The following SGCE variants were observed in gnomAD, a reference collection of about 807,000 sequenced individuals.
The protein encoded by SGCE is sarcoglycan epsilon, also known as epsilon-sarcoglycan.
SGCE carries 26 observed loss-of-function variants against 57.8 expected under a neutral mutation model. That is an observed-to-expected ratio of 0.45 (90% CI 0.33 to 0.62). SGCE has a LOEUF of 0.62. SGCE is among the 20% of genes least tolerant of loss of function. SGCE has a pLI of 0.02. For synonymous variants in SGCE, 183 were observed against 189.5 expected, an observed-to-expected ratio of 0.97 and a Z score of 0.28; for missense variants, 468 against 548.6, an observed-to-expected ratio of 0.85 and a Z score of 1.47.
intron 7 of SGCE, chr7:94,599,975 A>T (rs1424074463): frequency 2.7e-6 from 1 of 363,828 alleles, no homozygotes; most frequent in African/African-American, 2.1e-5. Context: ...ATTGAAATAA[A>T]TTCTATGACA....
intron 8 of SGCE, 98 bp downstream of exon 8, chr7:94,599,599 C>A: frequency 2.1e-6 from 2 of 933,436 alleles, no homozygotes. Flanking sequence ...TGAAAGATGA[C>A]AAATGAAAAA....
chr7:94,595,824 T>G (rs1798314758), intron 9 of SGCE, among the ~76,000 whole-genome samples: 1 of 151,994 alleles, frequency 6.6e-6, no homozygotes, highest in African/African-American at 2.4e-5. Context: ...TTATAGGGAG[T>G]TACCATAGAG....
At chr7:94,634,307 GATGGT>G in intron 1 of SGCE, among the ~76,000 whole-genome samples, 1 of 152,132 alleles carries the variant, frequency 6.6e-6, no homozygotes, top group Admixed American at 6.6e-5. Flanking sequence ...TCTTTTTCAT[GATGGT>G]ATAAGATCAT....
intron 5 of SGCE, among the ~76,000 whole-genome samples, chr7:94,608,711 G>A (rs898478462): frequency 1.3e-5 from 2 of 152,080 alleles, no homozygotes; most frequent in Non-Finnish European, 1.5e-5. Flanking sequence ...TGTAGTATTG[G>A]GAAATAATTG....
intron 1 of SGCE, among the ~76,000 whole-genome samples, chr7:94,631,615 A>T (rs1204141546): frequency 1.3e-5 from 2 of 151,986 alleles, no homozygotes; most frequent in Non-Finnish European, 2.9e-5. Context: ...TTCACAGTGA[A>T]CATATGTGCA....
chr7:94,610,251 A>C (rs1318802753), intron 5 of SGCE, among the ~76,000 whole-genome samples: 1 of 152,162 alleles, frequency 6.6e-6, no homozygotes, highest in African/African-American at 2.4e-5. Flanking sequence ...AAAGCAGTGA[A>C]ACTACTCTGT....
chr7:94,599,446 A>C, intron 8 of SGCE: 1 of 486,518 alleles, frequency 2.1e-6, no homozygotes, highest in Non-Finnish European at 3.6e-6. Flanking sequence ...TATAAATGGT[A>C]AGTTAATATT....
rs189775311 is a variant in SGCE at position 94,611,716 on chromosome 7, G to A, written c.662+7042C>T. Among the ~76,000 whole-genome samples, 3 of 152,202 alleles carry A rather than the reference G, an allele frequency of 2.0e-5. No individual in the cohort carries two copies. The East Asian group carries it at 5.8e-4, about 29-fold the overall frequency. On this transcript the variant is annotated intron_variant, in intron 5 of 10. Transcript: ENST00000648936. ...AATGAAATAAAAGTACAGCACAAAAGTTCAAAGCTATGTAAATGTAAATAT... is the reference window on the plus strand; with the variant it reads ...AATGAAATAAAAGTACAGCACAAAAATTCAAAGCTATGTAAATGTAAATAT...
intron 10 of SGCE, chr7:94,586,880 C>G (rs1796981887): frequency 7.1e-6 from 7 of 984,998 alleles, no homozygotes; most frequent in African/African-American, 1.7e-5. Context: ...AGGGTGGTCT[C>G]TCTCCCTTTG....
intron 5 of SGCE, among the ~76,000 whole-genome samples, chr7:94,605,723 A>C (rs1800013400): frequency 6.6e-6 from 1 of 152,222 alleles, no homozygotes; most frequent in Admixed American, 6.5e-5. Flanking sequence ...AAAAATGCTC[A>C]ATGAAAACTA....
At chr7:94,655,938 A>G in intron 1 of SGCE, 52 bp downstream of exon 1, 3 of 1,163,138 alleles carry the variant, frequency 2.6e-6, no homozygotes, top group Non-Finnish European at 3.8e-6. Context: ...GGGGAGGGGG[A>G]GGCGGCGGCC....
chr7:94,588,431 A>C (rs1205249863), intron 10 of SGCE: 1 of 1,274,484 alleles, frequency 7.8e-7, no homozygotes, highest in Non-Finnish European at 1.0e-6. Context: ...AAGGGGTTTC[A>C]TTCAGTCTTC....
chr7:94,652,053 C>T (rs1269167984), intron 1 of SGCE, among the ~76,000 whole-genome samples: 2 of 151,842 alleles, frequency 1.3e-5, no homozygotes, highest in Non-Finnish European at 2.9e-5. Context: ...ATGGAGTGTG[C>T]GTTAGTCTAT....
intron 5 of SGCE, among the ~76,000 whole-genome samples, chr7:94,604,835 AT>A (rs1291336929): frequency 1.5e-5 from 1 of 68,792 alleles, no homozygotes; most frequent in Non-Finnish European, 3.2e-5. Context: ...ATATATATAT[AT>A]ATATATATAT....
At chr7:94,645,423 C>A (rs1253046192) in intron 1 of SGCE, among the ~76,000 whole-genome samples, 2 of 152,008 alleles carry the variant, frequency 1.3e-5, no homozygotes, top group Non-Finnish European at 2.9e-5. Flanking sequence ...AGTTTTGGAA[C>A]CTATGGGGAA....
At chr7:94,623,257 A>T in intron 4 of SGCE, 68 bp downstream of exon 4, 1 of 951,312 alleles carries the variant, frequency 1.1e-6, no homozygotes, top group Non-Finnish European at 1.6e-6. Context: ...ACTATATTTT[A>T]TGTAGTTATA....
intron 3 of SGCE, chr7:94,625,716 A>C (rs900232256): frequency 2.6e-5 from 4 of 152,056 alleles, no homozygotes; most frequent in African/African-American, 9.7e-5. Context: ...ATTGCTGGGC[A>C]AGCTTAAGTT....
At chr7:94,599,803 G>A (rs1453924538) in intron 7 of SGCE, 80 bp from the exon 8 acceptor site, 2 of 1,018,820 alleles carry the variant, frequency 2.0e-6, no homozygotes, top group Admixed American at 1.7e-5. Flanking sequence ...ATGGGATCTT[G>A]CATGATGTGG....
At chr7:94,615,765 T>G (rs1159209686) in intron 5 of SGCE, among the ~76,000 whole-genome samples, 1 of 152,184 alleles carries the variant, frequency 6.6e-6, no homozygotes, top group African/African-American at 2.4e-5. Flanking sequence ...ATTCCCTTCA[T>G]AGCCACCATT....
Sources: gnomAD v4.1 joint callset for allele counts (sites outside exome capture counted in the v4.1 genomes callset) on GRCh38, gnomAD v4.1.1 for gene constraint, MANE v1.5 for transcripts, NCBI Gene and HGNC (gene_info 2026-07-23, HGNC 2026-07-21) for gene names.